The following SPDYE1 variants were observed in gnomAD, a reference collection of about 807,000 sequenced individuals.
SPDYE1 encodes the protein speedy protein E1.
SPDYE1 carries 29 observed loss-of-function variants against 45.9 expected under a neutral mutation model. That is an observed-to-expected ratio of 0.63 (90% CI 0.47 to 0.86). The LOEUF (loss-of-function observed/expected upper bound fraction) is 0.86, where lower values mean the gene tolerates loss of function less well. Ranked by LOEUF, SPDYE1 falls within the 40% of genes least tolerant of loss-of-function variation. SPDYE1 has a pLI of 0.00. For synonymous variants in SPDYE1, 134 were observed against 176.8 expected (o/e 0.76, Z 1.92); for missense variants, 346 against 481.4 (o/e 0.72, Z 2.63).
intron 1 of SPDYE1, among the ~76,000 whole-genome samples, 120 bp downstream of exon 1, chr7:43,998,079 G>C (rs945273563): frequency 3.3e-5 from 5 of 152,002 alleles, no homozygotes; most frequent in African/African-American, 1.2e-4. Flanking sequence ...ATATTTGAAA[G>C]CCTGTTAACT....
Position 44,001,179 on chromosome 7 carries a change from G to A in SPDYE1, c.274G>A (p.Glu92Lys). 2 of 1,598,410 alleles carry A rather than the reference G, an allele frequency of 1.3e-6. No individual in the cohort carries two copies. Among genetic ancestry groups the A allele is most frequent in the South Asian group, 1.1e-5 (1 of 91,010 alleles). ...GAAGGAGCTCGCCCCTGAGCCTGAG[G>A]AGACCTGGGTAGTGGAGACGCTGTG... The part of the protein sequence containing the change: ...PEKELAPEPE[E>K]TWVVETLCGL... Residue 92 changes from glutamate to lysine, a missense_variant, in exon 3 of 9, where the codon GAG becomes AAG. By Grantham distance (56) the Glu-to-Lys change is moderately conservative. Transcript: ENST00000693451.
chr7:44,007,691 G>T lies in SPDYE1; in HGVS notation c.1072-18G>T. Reference sequence around the variant, plus strand: ...CCTGGCGAGTCCCCGTCTTCTCAAAGGGCGTTTGTTTTTCCAGATCCAGGC... The same window carrying T: ...CCTGGCGAGTCCCCGTCTTCTCAAATGGCGTTTGTTTTTCCAGATCCAGGC... On this transcript the variant is annotated intron_variant, in intron 7 of 8. Transcript: ENST00000693451. 1 of 1,609,114 alleles carries T rather than the reference G, an allele frequency of 6.2e-7. No homozygotes were observed.
chr7:44,006,893 C>A (rs2096071978), intron 6 of SPDYE1, among the ~76,000 whole-genome samples: 1 of 152,252 alleles, frequency 6.6e-6, no homozygotes, highest in Admixed American at 6.5e-5. Context: ...GGATTACAGG[C>A]ATGAGCCACC....
At chr7:43,999,127 G>T (rs923563379) in intron 1 of SPDYE1, among the ~76,000 whole-genome samples, 16 of 152,130 alleles carry the variant, frequency 1.1e-4, no homozygotes, top group African/African-American at 3.9e-4. Flanking sequence ...GGAGGGGCTG[G>T]CTTAGGTAAT....
chr7:44,007,318 T>A lies in SPDYE1; in HGVS notation c.803T>A (p.Ile268Asn). The change falls in exon 7 of 9, where the codon ATC becomes AAC. Residue 268 changes from isoleucine (I) to asparagine (N), a missense_variant. By Grantham distance (149) the Ile-to-Asn change is moderately radical. This residue lies in a region of SPDYE1 where 186 missense variants were observed against 219.1 expected (regional missense o/e 0.85). Transcript: ENST00000693451. ...GACGACGAGGACTCCAAACAAAACA[T>A]CTTCCACTTCCTGTATGGGAAGAAC... Reference protein sequence around the residue: ...EEDDEDSKQNIFHFLYGKNRS... With the variant: ...EEDDEDSKQNNFHFLYGKNRS... 6.2e-7 allele frequency: 1 copy of A among 1,613,160 alleles called. No individual in the cohort carries two copies. Among genetic ancestry groups the A allele is most frequent in the Non-Finnish European group, 8.5e-7 (1 of 1,180,052 alleles).
intron 2 of SPDYE1, among the ~76,000 whole-genome samples, chr7:44,000,414 A>C (rs1469631014): frequency 6.8e-6 from 1 of 147,532 alleles, no homozygotes; most frequent in Non-Finnish European, 1.5e-5. Context: ...ACGCTACTGC[A>C]CTCCAAAAAA....
rs544150870 is a variant in SPDYE1, at chr7:44,008,188, T to G, written c.*45+375T>G. 1.6e-4 allele frequency among the ~76,000 whole-genome samples: 24 copies of G among 152,376 alleles called. No individual in the cohort carries two copies. In the South Asian group the frequency reaches 5.0e-3, roughly 32 times the overall value. On this transcript the variant is annotated intron_variant, in intron 8 of 8. Transcript: ENST00000693451. ...TCGAGGGTTCAGTGAAGCTTTGGTTTACATCTTGTGCAGCTAACCACGTTG... is the reference window on the plus strand; with the variant it reads ...TCGAGGGTTCAGTGAAGCTTTGGTTGACATCTTGTGCAGCTAACCACGTTG...
chr7:44,009,372 T>G lies in SPDYE1; in HGVS notation c.*751T>G, dbSNP rs1004128743. The G allele has an allele frequency of 2.0e-5, 3 of 151,748 alleles. No homozygotes were observed. Among genetic ancestry groups the G allele is most frequent in the African/African-American group, 7.3e-5 (3 of 41,326 alleles). 9.4% of individuals were successfully genotyped at this position (151,748 alleles called of 1,614,324 possible). A position where few individuals can be genotyped will look rare whatever the true frequency, so the allele number is the denominator to read the frequency against. ...CTGAAGCGAGCACTCTTTTTATCTA[T>G]GATACTTCCATAATAATCTCTTCTA... is the stretch of plus-strand genomic sequence containing the variant. On this transcript the variant is annotated 3_prime_UTR_variant, in exon 9 of 9. Coordinates refer to ENST00000693451, the MANE Select transcript of SPDYE1 (RefSeq NM_001378423.2).
At chr7:43,999,286 AC>A (rs1195008552) in intron 1 of SPDYE1, among the ~76,000 whole-genome samples, 1 of 152,138 alleles carries the variant, frequency 6.6e-6, no homozygotes, top group Non-Finnish European at 1.5e-5. Context: ...GGACGTATGT[AC>A]CCCCAGTACA....
Position 44,007,334 on chromosome 7 carries a change from T to A in SPDYE1, c.819T>A (p.Tyr273Ter). ...AACAAAACATCTTCCACTTCCTGTA[T>A]GGGAAGAACCGCTCTCGCATACCCT... The part of the protein sequence containing the change: ...DSKQNIFHFL[Y>*]GKNRSRIPLL... The change falls in exon 7 of 9, where the codon TAT becomes TAA. Residue 273 changes from tyrosine to a stop codon, truncating the protein, a stop_gained. Coordinates refer to ENST00000693451, the MANE Select transcript of SPDYE1 (RefSeq NM_001378423.2). LOFTEE classifies it high-confidence loss of function. 3 of 1,612,502 alleles carry A rather than the reference T, an allele frequency of 1.9e-6. No homozygotes were observed. Among genetic ancestry groups the A allele is most frequent in the Non-Finnish European group, 1.7e-6 (2 of 1,180,010 alleles).
chr7:43,999,298 G>A (rs1490602937), intron 1 of SPDYE1, among the ~76,000 whole-genome samples: 2 of 152,192 alleles, frequency 1.3e-5, no homozygotes, highest in Non-Finnish European at 2.9e-5. Context: ...CCCCAGTACA[G>A]AATCTTGGAC....
chr7:44,008,552 G>A (rs2128780074), intron 8 of SPDYE1, 115 bp from the exon 9 acceptor site: 1 of 1,159,876 alleles, frequency 8.6e-7, no homozygotes. Flanking sequence ...AAAGGCAGCA[G>A]ATAAAATTGC....
Position 44,002,709 on chromosome 7 carries a change from G to T in SPDYE1, c.499G>T (p.Glu167Ter). ...ACGGAAGGTGCTCGCCCCTGAGCCT[G>T]AGGAGATCTGGGTGGCGGAGATGCT... The part of the protein sequence containing the change: ...EPRKVLAPEP[E>*]EIWVAEMLCG... The change falls in exon 4 of 9, where the codon GAG (glutamate) becomes TAG (stop). Residue 167 changes from glutamate to a stop codon, truncating the protein, a stop_gained. Transcript: ENST00000693451. LOFTEE classifies it high-confidence loss of function. The T allele has an allele frequency of 2.5e-6, 4 of 1,596,552 alleles. No homozygotes were observed. Among genetic ancestry groups the T allele is most frequent in the Non-Finnish European group, 3.4e-6 (4 of 1,179,692 alleles).
rs1335391597 is a variant in SPDYE1, at chr7:44,001,090, C to G, written c.185C>G (p.Pro62Arg). 12 of 1,597,626 alleles carry G rather than the reference C, an allele frequency of 7.5e-6. No homozygotes were observed. In the East Asian group the frequency reaches 1.3e-4, roughly 18 times the overall value. Residue 62 changes from proline (P) to arginine (R), a missense_variant, in exon 3 of 9, where the codon CCA becomes CGA. By Grantham distance (103) the Pro-to-Arg change is moderately radical. Around this residue, in one of 4 missense-constraint regions of SPDYE1, gnomAD observed 141 missense variants for 176.7 expected, o/e 0.80. Coordinates refer to ENST00000693451, the MANE Select transcript of SPDYE1 (RefSeq NM_001378423.2). ...GCCCCTGGGGTAGATCCCAGCCCCCCATGTAGGTCCCTTGGCTGGAAAAGG... is the reference window on the plus strand; with the variant it reads ...GCCCCTGGGGTAGATCCCAGCCCCCGATGTAGGTCCCTTGGCTGGAAAAGG... Reference protein sequence around the residue: ...PSAPGVDPSPPCRSLGWKRKR... With the variant: ...PSAPGVDPSPRCRSLGWKRKR...
chr7:44,002,455 C>G, intron 3 of SPDYE1, 135 bp from the exon 4 acceptor site: 1 of 918,798 alleles, frequency 1.1e-6, no homozygotes, highest in Non-Finnish European at 1.7e-6. Flanking sequence ...AGGAGACAGA[C>G]AGAAGGAAAG....
At position 44,005,208 on chromosome 7, in the gene SPDYE1, C is replaced by T; in HGVS notation, c.733C>T (p.Leu245Phe). The T allele has an allele frequency of 1.2e-6, 2 of 1,612,002 alleles. No homozygotes were observed. Among genetic ancestry groups the T allele is most frequent in the East Asian group, 2.2e-5 (1 of 44,880 alleles). ...AGFPSWQYQR[L>F]HFFLALYLAN... ...CTTCCCCTCCTGGCAATACCAACGC[C>T]TTCATTTCTTCCTGGCTCTGTGAGT... The change falls in exon 6 of 9, where the codon CTT becomes TTT. Residue 245 changes from leucine to phenylalanine, a missense_variant. Leu to Phe is a conservative substitution (Grantham distance 22). Coordinates refer to ENST00000693451, the MANE Select transcript of SPDYE1 (RefSeq NM_001378423.2).
In SPDYE1 at chr7:44,001,103, T is replaced by C. The variant is rs1216099682; in HGVS notation, c.198T>C (p.Leu66=). ...GVDPSPPCRS[L]GWKRKREWSD... is the part of the protein sequence containing the mutation. Reference sequence around the variant, plus strand: ...ATCCCAGCCCCCCATGTAGGTCCCTTGGCTGGAAAAGGAAGAGGGAGTGGT... The same window carrying C: ...ATCCCAGCCCCCCATGTAGGTCCCTCGGCTGGAAAAGGAAGAGGGAGTGGT... The change falls in exon 3 of 9, where the codon CTT becomes CTC. Residue 66 remains leucine, a synonymous_variant. Coordinates refer to ENST00000693451, the MANE Select transcript of SPDYE1 (RefSeq NM_001378423.2). 3 of 1,597,862 alleles carry C rather than the reference T, an allele frequency of 1.9e-6. No homozygotes were observed. In the Admixed American group the frequency reaches 5.0e-5, roughly 27 times the overall value.
At chr7:44,002,319 C>CAACAA (rs1217590750) in intron 3 of SPDYE1, among the ~76,000 whole-genome samples, 2 of 43,334 alleles carry the variant, frequency 4.6e-5, no homozygotes, top group African/African-American at 1.7e-4. Flanking sequence ...ACAACAACAA[C>CAACAA]AAAAAAAAAA....
In SPDYE1 at chr7:44,002,792, C is replaced by T. The variant is rs773127442; in HGVS notation, c.582C>T (p.His194=). ...GAGTGTCGCTCGTGCTCCCTGAGCACCACGAGGCCTTCAACAGGCTGCTTG... is the reference window on the plus strand; with the variant it reads ...GAGTGTCGCTCGTGCTCCCTGAGCATCACGAGGCCTTCAACAGGCTGCTTG... The part of the protein sequence containing the change: ...RRRVSLVLPE[H]HEAFNRLLED... The change falls in exon 4 of 9, where the codon CAC becomes CAT. Residue 194 remains histidine, a synonymous_variant. Coordinates refer to ENST00000693451, the MANE Select transcript of SPDYE1 (RefSeq NM_001378423.2). 1 of 1,536,180 alleles carries T rather than the reference C, an allele frequency of 6.5e-7. No homozygotes were observed. The highest frequency in any genetic ancestry group is 2.0e-5 in the Admixed American group (1 of 50,840).
Sources: gnomAD v4.1 joint callset for allele counts (sites outside exome capture counted in the v4.1 genomes callset) on GRCh38, gnomAD v4.1.1 for gene constraint, gnomAD v4.1.1 regional missense constraint, MANE v1.5 for transcripts, NCBI Gene and HGNC (gene_info 2026-07-23, HGNC 2026-07-21) for gene names.